Variants in NSMCE2 observed in about 807,000 individuals in gnomAD.
The protein encoded by NSMCE2 is E3 SUMO-protein ligase NSE2.
Under a neutral mutation model 23.8 loss-of-function variants are expected in NSMCE2, and 24 were observed. The ratio of observed to expected loss-of-function variants is 1.01; its 90% CI spans 0.73 to 1.42. The LOEUF (loss-of-function observed/expected upper bound fraction) is 1.42, where lower values mean the gene tolerates loss of function less well. NSMCE2 is among the 40% of genes most tolerant of loss of function. The pLI is 0.00. For synonymous variants in NSMCE2, 92 were observed against 94.1 expected, an observed-to-expected ratio of 0.98 and a Z score of 0.13; for missense variants, 284 against 296.5, an observed-to-expected ratio of 0.96 and a Z score of 0.31.
At chr8:125,313,238 AAG>A (rs1440601621) in intron 5 of NSMCE2, among the ~76,000 whole-genome samples, 1 of 149,834 alleles carries the variant, frequency 6.7e-6, no homozygotes, top group Non-Finnish European at 1.5e-5. Context: ...AGAAGAAAGA[AAG>A]AAAGAAAAGA....
intron 5 of NSMCE2, among the ~76,000 whole-genome samples, chr8:125,351,869 C>T (rs1312193280): frequency 6.6e-6 from 1 of 151,900 alleles, no homozygotes; most frequent in Non-Finnish European, 1.5e-5. Context: ...CAAAATTAAC[C>T]AGGCATGATG....
chr8:125,262,061 C>T (rs746825643), intron 5 of NSMCE2, among the ~76,000 whole-genome samples: 1 of 151,794 alleles, frequency 6.6e-6, no homozygotes, highest in Non-Finnish European at 1.5e-5. Flanking sequence ...TGCACCGCTG[C>T]ACTCCAGCCT....
At chr8:125,333,537 C>T (rs1381184612) in intron 5 of NSMCE2, among the ~76,000 whole-genome samples, 15 of 48,720 alleles carry the variant, frequency 3.1e-4, no homozygotes, top group South Asian at 2.9e-3. Context: ...TTTTTTGAGA[C>T]GGAGTCTCGC....
chr8:125,110,700 C>T (rs1234182793), intron 3 of NSMCE2, among the ~76,000 whole-genome samples: 1 of 149,078 alleles, frequency 6.7e-6, no homozygotes, highest in Non-Finnish European at 1.5e-5. Flanking sequence ...GTGCCAGCGT[C>T]ATGGCCTGTG....
intron 5 of NSMCE2, among the ~76,000 whole-genome samples, chr8:125,208,487 G>C (rs1824201418): frequency 6.6e-6 from 1 of 152,172 alleles, no homozygotes; most frequent in South Asian, 2.1e-4. Flanking sequence ...AATGTACCAA[G>C]GACTATGCTT....
intron 5 of NSMCE2, among the ~76,000 whole-genome samples, chr8:125,321,673 CA>C (rs1431762683): frequency 6.6e-4 from 101 of 152,166 alleles, no homozygotes; most frequent in East Asian, 3.7e-3. Flanking sequence ...CAAATATGTA[CA>C]AAAAAGATAA....
chr8:125,228,924 A>G (rs1825210261), intron 5 of NSMCE2, among the ~76,000 whole-genome samples: 2 of 152,226 alleles, frequency 1.3e-5, no homozygotes, highest in South Asian at 4.1e-4. Context: ...TACAAAGCTT[A>G]TAAGAGACAG....
intron 5 of NSMCE2, among the ~76,000 whole-genome samples, chr8:125,314,050 T>C (rs572145165): frequency 1.3e-3 from 196 of 152,292 alleles, no homozygotes; most frequent in African/African-American, 4.5e-3. Context: ...CAAAGACCGG[T>C]AATCAAATAG....
At chr8:125,147,225 T>C (rs1009108407) in intron 3 of NSMCE2, among the ~76,000 whole-genome samples, 19 of 152,184 alleles carry the variant, frequency 1.2e-4, no homozygotes, top group African/African-American at 4.6e-4. Flanking sequence ...AAATATAAAA[T>C]AGGCAAGTGA....
At chr8:125,307,263 A>G (rs988077773) in intron 5 of NSMCE2, among the ~76,000 whole-genome samples, 3 of 152,216 alleles carry the variant, frequency 2.0e-5, no homozygotes, top group Non-Finnish European at 2.9e-5. Context: ...TGCAATGTCT[A>G]TGTTTAGAAA....
intron 7 of NSMCE2, among the ~76,000 whole-genome samples, chr8:125,361,739 C>T (rs756951026): frequency 6.6e-6 from 1 of 152,098 alleles, no homozygotes; most frequent in Non-Finnish European, 1.5e-5. Context: ...TTGTTAAGAC[C>T]GAGGCTGATA....
chr8:125,222,633 G>A (rs890308241), intron 5 of NSMCE2, among the ~76,000 whole-genome samples: 8 of 152,126 alleles, frequency 5.3e-5, no homozygotes, highest in Non-Finnish European at 1.2e-4. Context: ...GTCTTTATGT[G>A]CCTGGCTTAT....
At chr8:125,191,307 G>A (rs1270133173) in intron 5 of NSMCE2, among the ~76,000 whole-genome samples, 1 of 152,144 alleles carries the variant, frequency 6.6e-6, no homozygotes, top group Non-Finnish European at 1.5e-5. Context: ...AGGTTTAGGT[G>A]ATACCACAGC....
intron 3 of NSMCE2, among the ~76,000 whole-genome samples, chr8:125,112,929 A>G (rs983392448): frequency 1.3e-5 from 2 of 152,110 alleles, no homozygotes; most frequent in Admixed American, 1.3e-4. Flanking sequence ...TATGTGAGGT[A>G]TTGTTAACTA....
At chr8:125,231,003 A>G (rs979518526) in intron 5 of NSMCE2, among the ~76,000 whole-genome samples, 2 of 152,130 alleles carry the variant, frequency 1.3e-5, no homozygotes, top group South Asian at 4.2e-4. Flanking sequence ...CAAAATCACA[A>G]TATAGATTGG....
In NSMCE2 at chr8:125,366,787, A is replaced by G. The variant is rs1813815720; in HGVS notation, c.646A>G (p.Ser216Gly). 2 of 1,610,406 alleles carry G rather than the reference A, an allele frequency of 1.2e-6. No individual in the cohort carries two copies. Among genetic ancestry groups the G allele is most frequent in the Non-Finnish European group, 8.5e-7 (1 of 1,176,594 alleles). The change falls in exon 8 of 8, where the codon AGC becomes GGC. Residue 216 changes from serine to glycine, a missense_variant. Ser to Gly is a moderately conservative substitution (Grantham distance 56). Transcript: ENST00000287437. Reference sequence around the variant, plus strand: ...TCACAGTTGCCCTCAAATTGGCTGTAGCCACACGGATATAAGAAAGTCAGA... The same window carrying G: ...TCACAGTTGCCCTCAAATTGGCTGTGGCCACACGGATATAAGAAAGTCAGA... ...KKAYCPQIGC[S>G]HTDIRKSDLI... is the part of the protein sequence containing the mutation.
intron 5 of NSMCE2, among the ~76,000 whole-genome samples, chr8:125,209,225 G>C (rs1194053069): frequency 6.6e-6 from 1 of 152,182 alleles, no homozygotes; most frequent in Non-Finnish European, 1.5e-5. Context: ...CTGTAGCCAT[G>C]TATTGATTGA....
chr8:125,273,999 G>A (rs940482969), intron 5 of NSMCE2, among the ~76,000 whole-genome samples: 21 of 152,172 alleles, frequency 1.4e-4, no homozygotes, highest in African/African-American at 4.3e-4. Flanking sequence ...AGCTTGTGCT[G>A]TGTTTAGCAC....
chr8:125,284,401 A>G (rs1163158929), intron 5 of NSMCE2, among the ~76,000 whole-genome samples: 2 of 152,178 alleles, frequency 1.3e-5, no homozygotes, highest in Admixed American at 6.5e-5. Flanking sequence ...TAGCGGAGTC[A>G]CATGGGGGTT....
Sources: allele counts gnomAD v4.1 joint callset (sites outside exome capture counted in the v4.1 genomes callset), GRCh38; gene constraint gnomAD v4.1.1; transcripts MANE v1.5; gene names NCBI Gene and HGNC (gene_info 2026-07-23, HGNC 2026-07-21).